The following TBC1D30 variants were observed in gnomAD, a reference collection of about 807,000 sequenced individuals.
The protein encoded by TBC1D30 is TBC1 domain family, member 30.
A neutral mutation model predicts 63.2 loss-of-function variants in TBC1D30; 31 were observed. That is an observed-to-expected ratio of 0.49 (90% CI 0.37 to 0.66). The LOEUF is 0.66. Ranked by LOEUF, TBC1D30 falls within the 30% of genes least tolerant of loss-of-function variation. TBC1D30 has a pLI of 0.00. For synonymous variants in TBC1D30, 307 were observed against 361.5 expected (o/e 0.85, Z 1.71); for missense variants, 810 against 953.6 (o/e 0.85, Z 1.98).
chr12:64,824,357 T>C (rs1874093702), upstream of TBC1D30, among the ~76,000 whole-genome samples: 1 of 152,186 alleles, frequency 6.6e-6, no homozygotes, highest in Admixed American at 6.5e-5. Flanking sequence ...GAGAGGATGC[T>C]TGCCCTTACG....
chr12:64,831,648 A>G (rs375144046), intron 4 of TBC1D30, among the ~76,000 whole-genome samples: 85 of 152,202 alleles, frequency 5.6e-4, no homozygotes, highest in African/African-American at 2.0e-3. Flanking sequence ...TTCTCTCTAT[A>G]ATCACATTTT....
At chr12:64,840,875 C>T (rs1875811322) in intron 7 of TBC1D30, among the ~76,000 whole-genome samples, 1 of 152,158 alleles carries the variant, frequency 6.6e-6, no homozygotes, top group South Asian at 2.1e-4. Flanking sequence ...TTTGAGCATG[C>T]AGCTTGTTAA....
chr12:64,814,810 C>T (rs1175091815), intron 2 of TBC1D30, among the ~76,000 whole-genome samples: 1 of 152,198 alleles, frequency 6.6e-6, no homozygotes, highest in African/African-American at 2.4e-5. Context: ...AGGAGTATTT[C>T]TCTACTACCA....
At chr12:64,770,165 G>T (rs1870853299) in intron 1 of TBC1D30, among the ~76,000 whole-genome samples, 1 of 152,164 alleles carries the variant, frequency 6.6e-6, no homozygotes, top group South Asian at 2.1e-4. Context: ...TATTTCTAAA[G>T]CTGTGGATAT....
chr12:64,826,056 T>C (rs1317027149), intron 1 of TBC1D30, among the ~76,000 whole-genome samples: 1 of 152,194 alleles, frequency 6.6e-6, no homozygotes, highest in East Asian at 1.9e-4. Flanking sequence ...TTATTCACCA[T>C]CTTCCTTTAC....
chr12:64,797,314 A>G (rs1446169084), intron 2 of TBC1D30, among the ~76,000 whole-genome samples: 2 of 152,216 alleles, frequency 1.3e-5, no homozygotes. Flanking sequence ...GTCACCTTGC[A>G]CAACATATTT....
In TBC1D30 at chr12:64,878,071, AAC is replaced by A. The variant is rs1478964305; in HGVS notation, c.*2289_*2290del. The stretch of plus-strand genomic sequence containing the variant: ...TTCCTGAGAAGGGGATGGATGAGGT[AAC>A]ACACAGTTTGGGATACGTATCTGTT... On this transcript the variant is annotated 3_prime_UTR_variant, in exon 12 of 12. Transcript: ENST00000539867. 2.0e-5 allele frequency: 4 copies of A among 197,410 alleles called. No homozygotes were observed. In the East Asian group the frequency reaches 4.8e-4, roughly 24 times the overall value. The allele number at this position is 197,410 out of a possible 1,614,324, so 12.2% of individuals were successfully genotyped here.
At chr12:64,847,268 C>A (rs1224840235) in intron 8 of TBC1D30, among the ~76,000 whole-genome samples, 1 of 151,646 alleles carries the variant, frequency 6.6e-6, no homozygotes, top group Non-Finnish European at 1.5e-5. Context: ...TTATTTGGAT[C>A]TTCTCTCTTT....
intron 2 of TBC1D30, among the ~76,000 whole-genome samples, chr12:64,818,964 T>A (rs1400956546): frequency 6.6e-6 from 1 of 152,188 alleles, no homozygotes; most frequent in Non-Finnish European, 1.5e-5. Context: ...TAACAGGAAA[T>A]ACCACGACAA....
intron 5 of TBC1D30, 130 bp from the exon 6 acceptor site, chr12:64,836,360 C>T (rs1875351363): frequency 1.5e-6 from 1 of 668,480 alleles, no homozygotes; most frequent in Non-Finnish European, 2.5e-6. Context: ...ACATTTGGTA[C>T]TGATGCATTT....
chr12:64,803,951 C>G (rs1383087359), intron 2 of TBC1D30, among the ~76,000 whole-genome samples: 1 of 152,118 alleles, frequency 6.6e-6, no homozygotes, highest in Non-Finnish European at 1.5e-5. Context: ...CAGCTTTGTT[C>G]TTTTTGCTTA....
intron 7 of TBC1D30, among the ~76,000 whole-genome samples, chr12:64,841,607 A>T (rs1381316707): frequency 6.6e-6 from 1 of 151,770 alleles, no homozygotes; most frequent in Non-Finnish European, 1.5e-5. Context: ...CTCAGCTCTC[A>T]CTGGCTTCCT....
rs1879259400 is a variant in TBC1D30, at chr12:64,878,697, CCTT to C, written c.*2914_*2916del. 8.0e-6 allele frequency: 3 copies of C among 373,070 alleles called. No homozygotes were observed. The highest frequency in any genetic ancestry group is 4.2e-5 in the African/African-American group (2 of 47,492). The allele number at this position is 373,070 out of a possible 1,614,324, so 23.1% of individuals were successfully genotyped here. A position where few individuals can be genotyped will look rare whatever the true frequency, so the allele number is the denominator to read the frequency against. ...TTGTGACAGTCCCTTCTCCCTTCTTCCTTCTTCCTTCACCCCCAACCCCAGACC... is the reference window on the plus strand; with the variant it reads ...TTGTGACAGTCCCTTCTCCCTTCTTCCTTCCTTCACCCCCAACCCCAGACC... On this transcript the variant is annotated 3_prime_UTR_variant, in exon 12 of 12. Coordinates refer to ENST00000539867, the MANE Select transcript of TBC1D30 (RefSeq NM_015279.2).
chr12:64,771,061 A>G (rs2136277632), intron 1 of TBC1D30, among the ~76,000 whole-genome samples: 1 of 152,152 alleles, frequency 6.6e-6, no homozygotes, highest in African/African-American at 2.4e-5. Flanking sequence ...AGATGGTGAT[A>G]ATACAGCATT....
At chr12:64,781,556 C>T (rs926678077) in intron 1 of TBC1D30, among the ~76,000 whole-genome samples, 14 of 152,176 alleles carry the variant, frequency 9.2e-5, no homozygotes, top group Admixed American at 4.6e-4. Context: ...TTCGCGGAGG[C>T]CCCAGGGGAG....
intron 1 of TBC1D30, among the ~76,000 whole-genome samples, chr12:64,765,490 CAAAAAAAAA>C (rs60489979): frequency 4.5e-4 from 8 of 17,600 alleles, no homozygotes; most frequent in South Asian, 4.4e-3. Flanking sequence ...AGACTGTCTC[CAAAAAAAAA>C]AAAAAAAAAA....
Position 64,813,936 on chromosome 12 carries a change from G to A in TBC1D30, c.644-13899G>A, listed in dbSNP as rs557535692. On this transcript the variant is annotated intron_variant, in intron 2 of 12. Transcript: ENST00000542120. The stretch of plus-strand genomic sequence containing the variant: ...ACAATGAGTACGACTTAGTTCCTGT[G>A]TCACAGTTTATGATGTATTGAGAGG... Among the ~76,000 whole-genome samples the A allele has an allele frequency of 3.7e-4, 56 of 152,300 alleles. No homozygotes were observed. In the South Asian group the frequency reaches 0.011, roughly 31 times the overall value.
In TBC1D30 at chr12:64,838,832, A is replaced by C; in HGVS notation, c.913A>C (p.Ile305Leu). ...AATCATCCTAAGGGTGTCGCTGGCT[A>C]TCTGGGCAAAATTAGGAGAGTAAGT... ...SEIILRVSLA[I>L]WAKLGEQIEC... The change falls in exon 7 of 12, where the codon ATC (isoleucine) becomes CTC (leucine). Residue 305 changes from isoleucine to leucine, a missense_variant. Physicochemically the swap from Ile to Leu is conservative, Grantham distance 5. Around this residue, in one of 4 missense-constraint regions of TBC1D30, gnomAD observed 83 missense variants for 121.5 expected, o/e 0.68. Coordinates refer to ENST00000539867, the MANE Select transcript of TBC1D30 (RefSeq NM_015279.2). 6.5e-7 allele frequency: 1 copy of C among 1,536,086 alleles called. No individual in the cohort carries two copies.
Position 64,875,794 on chromosome 12 carries a change from C to T in TBC1D30, c.*6C>T. 6.6e-7 allele frequency: 1 copy of T among 1,523,798 alleles called. No homozygotes were observed. The highest frequency in any genetic ancestry group is 1.2e-5 in the South Asian group (1 of 82,114). The allele number at this position is 1,523,798 out of a possible 1,614,324, so 94.4% of individuals were successfully genotyped here. ...GTGGCACTAAAAAACGATGATGTCT[C>T]CCCGAAACTTTGTATCTGGACTCAC... On this transcript the variant is annotated 3_prime_UTR_variant, in exon 12 of 12. Transcript: ENST00000539867.
Sources: gnomAD v4.1 joint callset for allele counts (sites outside exome capture counted in the v4.1 genomes callset) on GRCh38, gnomAD v4.1.1 for gene constraint, gnomAD v4.1.1 regional missense constraint, MANE v1.5 for transcripts, NCBI Gene and HGNC (gene_info 2026-07-23, HGNC 2026-07-21) for gene names.